Variants in STPG1 observed in about 807,000 individuals in gnomAD.
The protein encoded by STPG1 is sperm tail PG-rich repeat containing 1.
STPG1 carries 33 observed loss-of-function variants against 40.1 expected under a neutral mutation model. The observed-to-expected ratio is 0.82, with a 90% CI of 0.62 to 1.10. The LOEUF (loss-of-function observed/expected upper bound fraction) is 1.10, where lower values mean the gene tolerates loss of function less well. Among genes scored for constraint, STPG1 ranks in the 50% least tolerant of loss-of-function variants. The pLI is 0.00. For missense variants in STPG1, 396 were observed against 415.1 expected, an observed-to-expected ratio of 0.95 and a Z score of 0.40; for synonymous variants, 150 against 155.0, an observed-to-expected ratio of 0.97 and a Z score of 0.24.
intron 5 of STPG1, 34 bp from the exon 6 acceptor site, chr1:24,373,844 A>G (rs1641874807): frequency 1.4e-6 from 2 of 1,444,032 alleles, no homozygotes; most frequent in Admixed American, 1.7e-5. Context: ...TGTACTCAGT[A>G]CCTTTCCTTT....
At chr1:24,404,248 TAAAAC>T (rs1643334418) in intron 1 of STPG1, among the ~76,000 whole-genome samples, 1 of 152,200 alleles carries the variant, frequency 6.6e-6, no homozygotes, top group African/African-American at 2.4e-5. Context: ...TTTCAAATGT[TAAAAC>T]AACCTAGTGT....
At chr1:24,373,662 T>C (rs769456649) in intron 6 of STPG1, 40 bp downstream of exon 6, 2 of 1,395,744 alleles carry the variant, frequency 1.4e-6, no homozygotes, top group South Asian at 2.3e-5. Flanking sequence ...TCTGGGACAC[T>C]TAACCCTTAG....
chr1:24,383,899 C>A lies in STPG1; in HGVS notation c.291+3G>T. 6.3e-7 allele frequency: 1 copy of A among 1,592,226 alleles called. No individual in the cohort carries two copies. The highest frequency in any genetic ancestry group is 1.1e-5 in the South Asian group (1 of 90,642). On this transcript the variant is annotated splice_donor_region_variant and intron_variant, in intron 4 of 8. Coordinates refer to ENST00000337248, the MANE Select transcript of STPG1 (RefSeq NM_001199013.2). ...TGCTTTACTCAAGAGAAGTGGTTCT[C>A]ACCATTGAGGGAAACATGCAAGTTC...
chr1:24,389,136 T>C (rs906199766), intron 3 of STPG1, among the ~76,000 whole-genome samples: 2 of 152,222 alleles, frequency 1.3e-5, no homozygotes, highest in African/African-American at 2.4e-5. Context: ...CGATGCTGCC[T>C]GTAGGTTTGG....
rs914422698 is a variant in STPG1, at chr1:24,401,951, T to C, written c.-68-495A>G. Among the ~76,000 whole-genome samples, 4 of 152,308 alleles carry C rather than the reference T, an allele frequency of 2.6e-5. No homozygotes were observed. In the South Asian group the frequency reaches 6.2e-4, roughly 24 times the overall value. On this transcript the variant is annotated intron_variant, in intron 1 of 8. Transcript: ENST00000337248. Reference sequence around the variant, plus strand: ...ATCTGCCTGCCTCTGCCATCCAAAGTGCTAGGATTACAGGTGTGAGCCACC... The same window carrying C: ...ATCTGCCTGCCTCTGCCATCCAAAGCGCTAGGATTACAGGTGTGAGCCACC...
chr1:24,360,548 T>C (rs922574542), intron 8 of STPG1, among the ~76,000 whole-genome samples: 1 of 152,262 alleles, frequency 6.6e-6, no homozygotes, highest in African/African-American at 2.4e-5. Flanking sequence ...AATGTCTATA[T>C]GTGCCAATTC....
intron 6 of STPG1, among the ~76,000 whole-genome samples, chr1:24,373,001 C>A (rs1432868543): frequency 1.3e-5 from 2 of 152,178 alleles, no homozygotes; most frequent in East Asian, 3.9e-4. Context: ...TTGTGTATTC[C>A]TGAATCTTGG....
chr1:24,358,634 A>G lies in STPG1; in HGVS notation c.929-15T>C, dbSNP rs776246644. ...CTTGTACGTAGCTGTGAGGGGACAG[A>G]GAGGCGGAGGCATTAAGAGAGAAAA... On this transcript the variant is annotated splice_polypyrimidine_tract_variant and intron_variant, in intron 8 of 8. Transcript: ENST00000337248. 6.9e-6 allele frequency: 11 copies of G among 1,602,156 alleles called. No homozygotes were observed. The African/African-American group carries it at 1.2e-4, about 18-fold the overall frequency.
chr1:24,362,737 C>T (rs1399948424), intron 7 of STPG1, among the ~76,000 whole-genome samples: 1 of 152,140 alleles, frequency 6.6e-6, no homozygotes. Flanking sequence ...GCAGGGGACA[C>T]CCCCCTGGTC....
intron 7 of STPG1, among the ~76,000 whole-genome samples, chr1:24,361,616 C>T (rs74060320): frequency 0.069 from 10,567 of 152,094 alleles, 668 homozygotes; most frequent in African/African-American, 0.17. Context: ...TACTAAATAT[C>T]ATCCTGGGGA....
At chr1:24,388,244 G>C (rs150021946) in intron 3 of STPG1, among the ~76,000 whole-genome samples, 4 of 152,290 alleles carry the variant, frequency 2.6e-5, no homozygotes, top group Middle Eastern at 3.4e-3. Flanking sequence ...TACACAGTTT[G>C]GGAAACAGTG....
At chr1:24,390,427 T>A (rs546414136) in intron 3 of STPG1, among the ~76,000 whole-genome samples, 3 of 152,062 alleles carry the variant, frequency 2.0e-5, no homozygotes, top group African/African-American at 7.2e-5. Context: ...GTTGTGGTGG[T>A]GGTGATTTTG....
chr1:24,366,600 G>A (rs927192562), intron 7 of STPG1, among the ~76,000 whole-genome samples: 5 of 151,986 alleles, frequency 3.3e-5, no homozygotes, highest in Admixed American at 1.3e-4. Flanking sequence ...TCTTTCCCAC[G>A]TTAATTTTAA....
chr1:24,412,505 A>T (rs868262407), intron 1 of STPG1, among the ~76,000 whole-genome samples: 2 of 152,214 alleles, frequency 1.3e-5, no homozygotes, highest in African/African-American at 4.8e-5. Context: ...TTATTTGTTT[A>T]TGATCTTCCC....
chr1:24,413,608 A>G (rs999248674), intron 1 of STPG1, 66 bp downstream of exon 1: 7 of 152,274 alleles, frequency 4.6e-5, no homozygotes, highest in African/African-American at 1.4e-4. Flanking sequence ...TGCGGAGGAC[A>G]TGGTGCGCCG....
At chr1:24,379,447 C>T (rs1642179757) in intron 5 of STPG1, 1 of 571,354 alleles carries the variant, frequency 1.8e-6, no homozygotes, top group Non-Finnish European at 3.1e-6. Flanking sequence ...TTGATACTGG[C>T]CTCCATGTTG....
intron 5 of STPG1, among the ~76,000 whole-genome samples, chr1:24,376,333 T>C (rs2148692238): frequency 6.6e-6 from 1 of 152,344 alleles, no homozygotes; most frequent in South Asian, 2.1e-4. Context: ...CACCTGGTTT[T>C]TGATGCAGTG....
At position 24,358,180 on chromosome 1, in the gene STPG1, G is replaced by A. The variant is rs1038495870; in HGVS notation, c.*363C>T. On this transcript the variant is annotated 3_prime_UTR_variant, in exon 9 of 9. Transcript: ENST00000337248. ...TCCAGGCTTGGCCACCTTCAGGGTG[G>A]ACTGATCCTCCTTGAAGTCTGCGCT... 2.0e-6 allele frequency: 1 copy of A among 512,724 alleles called. No individual in the cohort carries two copies. The highest frequency in any genetic ancestry group is 1.9e-5 in the African/African-American group (1 of 52,476). 31.8% of individuals were successfully genotyped at this position (512,724 alleles called of 1,614,324 possible).
chr1:24,408,018 T>C (rs1398570463), intron 1 of STPG1, among the ~76,000 whole-genome samples: 1 of 152,256 alleles, frequency 6.6e-6, no homozygotes, highest in Non-Finnish European at 1.5e-5. Flanking sequence ...ATTTTCCTTT[T>C]CATGTCTGGT....
Sources: allele counts gnomAD v4.1 joint callset (sites outside exome capture counted in the v4.1 genomes callset), GRCh38; gene constraint gnomAD v4.1.1; transcripts MANE v1.5; gene names NCBI Gene and HGNC (gene_info 2026-07-23, HGNC 2026-07-21).